The following SIDT1 variants were observed in gnomAD, a reference collection of about 807,000 sequenced individuals.
SIDT1 encodes the protein SID1 transmembrane family, member 1.
In SIDT1, 101 loss-of-function variants were observed where a neutral mutation model predicts 107.5. The ratio of observed to expected loss-of-function variants is 0.94; its 90% CI spans 0.80 to 1.11. The LOEUF (loss-of-function observed/expected upper bound fraction) is 1.11, where lower values mean the gene tolerates loss of function less well. SIDT1 is among the 50% of genes least tolerant of loss of function. SIDT1 has a pLI of 0.00. For synonymous variants in SIDT1, 395 were observed against 398.2 expected (o/e 0.99, Z 0.10); for missense variants, 1,076 against 1,058.2 (o/e 1.02, Z -0.23).
At chr3:113,593,645 G>A (rs1944337226) in intron 10 of SIDT1, among the ~76,000 whole-genome samples, 1 of 152,252 alleles carries the variant, frequency 6.6e-6, no homozygotes, top group East Asian at 1.9e-4. Context: ...TTTTTTAAAA[G>A]TTTCACCTTT....
rs1945077377 is a variant in SIDT1 at position 113,603,100 on chromosome 3, T to C, written c.1213T>C (p.Phe405Leu). The change falls in exon 12 of 25, where the codon TTC becomes CTC. Residue 405 changes from phenylalanine (F) to leucine (L), a missense_variant. Physicochemically the swap from Phe to Leu is conservative, Grantham distance 22. Transcript: ENST00000264852. The stretch of plus-strand genomic sequence containing the variant: ...AGACAGCTCCGTGGAGGAGAGCGAC[T>C]TCGACACCATGCCAGACATTGAGAG... ...DTDSSVEESDFDTMPDIESDK... is the reference protein window; with the variant it reads ...DTDSSVEESDLDTMPDIESDK... 2 of 1,614,110 alleles carry C rather than the reference T, an allele frequency of 1.2e-6. No homozygotes were observed. The highest frequency in any genetic ancestry group is 1.3e-5 in the African/African-American group (1 of 75,034).
chr3:113,602,636 A>C (rs1945039216), intron 11 of SIDT1: 1 of 158,444 alleles, frequency 6.3e-6, no homozygotes, highest in Admixed American at 6.4e-5. Context: ...CATATATGCA[A>C]TAGATGCTAT....
intron 3 of SIDT1, 71 bp downstream of exon 3, chr3:113,567,781 C>T (rs889775796): frequency 6.9e-6 from 10 of 1,458,776 alleles, no homozygotes; most frequent in Non-Finnish European, 5.7e-6. Context: ...ATCTTCCATC[C>T]TTACAGACTG....
At chr3:113,596,434 C>CA (rs970697166) in intron 10 of SIDT1, among the ~76,000 whole-genome samples, 7 of 151,796 alleles carry the variant, frequency 4.6e-5, no homozygotes, top group East Asian at 1.9e-4. Context: ...TAATAAAAAG[C>CA]AAAAAAATGT....
At chr3:113,593,168 C>A in intron 10 of SIDT1, 120 bp downstream of exon 10, 2 of 865,210 alleles carry the variant, frequency 2.3e-6, no homozygotes, top group Non-Finnish European at 4.0e-6. Flanking sequence ...GATTCCTATC[C>A]CGCAGAGTAG....
At chr3:113,616,417 T>A (rs1389985240) in intron 20 of SIDT1, among the ~76,000 whole-genome samples, 1 of 151,990 alleles carries the variant, frequency 6.6e-6, no homozygotes, top group Non-Finnish European at 1.5e-5. Flanking sequence ...AAGGAGAAAA[T>A]ACATCTACCC....
chr3:113,620,763 G>A (rs986686343), intron 21 of SIDT1, among the ~76,000 whole-genome samples: 2 of 152,216 alleles, frequency 1.3e-5, no homozygotes, highest in African/African-American at 4.8e-5. Context: ...CCTTCTAGCA[G>A]ACTCCACAGT....
At chr3:113,533,268 G>T in intron 1 of SIDT1, 25 bp downstream of exon 1, 1 of 1,417,140 alleles carries the variant, frequency 7.1e-7, no homozygotes, top group South Asian at 1.6e-5. Context: ...CCCCTCGCTC[G>T]ACTCCTAGAA....
chr3:113,573,539 G>A (rs775279077), intron 3 of SIDT1, among the ~76,000 whole-genome samples: 3 of 152,154 alleles, frequency 2.0e-5, no homozygotes, highest in Admixed American at 6.5e-5. Flanking sequence ...TGGATTTAGC[G>A]ATTAGATAGT....
rs137896589 is a variant in SIDT1, at chr3:113,570,681, G to A, written c.515+2971G>A. 1.6e-3 allele frequency among the ~76,000 whole-genome samples: 248 copies of A among 152,348 alleles called. 1 individual carries two copies. The highest frequency in any genetic ancestry group is 5.7e-3 in the African/African-American group (237 of 41,572). The stretch of plus-strand genomic sequence containing the variant: ...GCCTTGCTGGTAACCTGGAACCAGA[G>A]GATGATGGTAATGAGGAAGAGCTGA... On this transcript the variant is annotated intron_variant, in intron 3 of 24. Transcript: ENST00000264852.
chr3:113,573,848 G>T (rs1041909832), intron 3 of SIDT1, among the ~76,000 whole-genome samples: 1 of 152,208 alleles, frequency 6.6e-6, no homozygotes, highest in Non-Finnish European at 1.5e-5. Context: ...AAGTCACCGA[G>T]TTGACAGTAT....
chr3:113,541,833 A>T (rs551485555), intron 1 of SIDT1, among the ~76,000 whole-genome samples: 1 of 151,030 alleles, frequency 6.6e-6, no homozygotes, highest in South Asian at 2.1e-4. Flanking sequence ...CTTATAAGTA[A>T]CTTTACTACC....
In SIDT1 at chr3:113,616,132, T is replaced by G; in HGVS notation, c.1999T>G (p.Phe667Val). 1 of 1,613,938 alleles carries G rather than the reference T, an allele frequency of 6.2e-7. No homozygotes were observed. The highest frequency in any genetic ancestry group is 8.5e-7 in the Non-Finnish European group (1 of 1,179,898). Residue 667 changes from phenylalanine (F) to valine (V), a missense_variant, in exon 20 of 25, where the codon TTC (phenylalanine) becomes GTC (valine). Coordinates refer to ENST00000264852, the MANE Select transcript of SIDT1 (RefSeq NM_017699.3). ...AATTTTCCGGCGGGCTGCCATGGTG[T>G]TCTACACAGACTGTATCCAGCAGTG... ...LGIFRRAAMV[F>V]YTDCIQQCSR...
intron 1 of SIDT1, among the ~76,000 whole-genome samples, chr3:113,545,450 C>A (rs948602855): frequency 1.3e-5 from 2 of 152,140 alleles, no homozygotes; most frequent in African/African-American, 2.4e-5. Flanking sequence ...TTGTTATAAA[C>A]AACCTACCAT....
intron 20 of SIDT1, among the ~76,000 whole-genome samples, chr3:113,619,008 A>G (rs1946286961): frequency 6.6e-6 from 1 of 152,112 alleles, no homozygotes; most frequent in Non-Finnish European, 1.5e-5. Context: ...TATTTTTAGT[A>G]GAGACAGGCT....
At chr3:113,543,053 G>T (rs1939124593) in intron 1 of SIDT1, among the ~76,000 whole-genome samples, 1 of 151,916 alleles carries the variant, frequency 6.6e-6, no homozygotes, top group Admixed American at 6.6e-5. Flanking sequence ...CGATTCTCCT[G>T]CCTCTGCCTC....
chr3:113,618,985 T>C (rs1025097631), intron 20 of SIDT1, among the ~76,000 whole-genome samples: 1 of 152,050 alleles, frequency 6.6e-6, no homozygotes, highest in Non-Finnish European at 1.5e-5. Flanking sequence ...CCACCACACC[T>C]GGCCAATTTT....
intron 1 of SIDT1, among the ~76,000 whole-genome samples, chr3:113,559,901 A>C (rs1941264657): frequency 6.6e-6 from 1 of 151,922 alleles, no homozygotes; most frequent in African/African-American, 2.4e-5. Flanking sequence ...CCCCTCCTGT[A>C]TGGTGTTTAT....
At chr3:113,559,083 T>C (rs1941173936) in intron 1 of SIDT1, among the ~76,000 whole-genome samples, 1 of 152,264 alleles carries the variant, frequency 6.6e-6, no homozygotes, top group Admixed American at 6.5e-5. Context: ...ATACTTCTAT[T>C]ATTTAATTTG....
Sources: gnomAD v4.1 joint callset for allele counts (sites outside exome capture counted in the v4.1 genomes callset) on GRCh38, gnomAD v4.1.1 for gene constraint, MANE v1.5 for transcripts, NCBI Gene and HGNC (gene_info 2026-07-23, HGNC 2026-07-21) for gene names.